The following ATCAY variants were observed in gnomAD, a reference collection of about 807,000 sequenced individuals.
The protein encoded by ATCAY is ATCAY kinesin light chain interacting caytaxin.
In ATCAY, 22 loss-of-function variants were observed where a neutral mutation model predicts 47.7. That is an observed-to-expected ratio of 0.46 (90% CI 0.33 to 0.66). The LOEUF is 0.66. Among genes scored for constraint, ATCAY ranks in the 30% least tolerant of loss-of-function variants. The pLI is 0.02. For synonymous variants in ATCAY, 216 were observed against 207.6 expected (o/e 1.04, Z -0.35); for missense variants, 452 against 515.0 (o/e 0.88, Z 1.18).
rs1244272426 is a variant in ATCAY, at chr19:3,920,760, C to T, written c.1074-6C>T. 1 of 1,611,944 alleles carries T rather than the reference C, an allele frequency of 6.2e-7. No individual in the cohort carries two copies. Among genetic ancestry groups the T allele is most frequent in the East Asian group, 2.2e-5 (1 of 44,848 alleles). On this transcript the variant is annotated splice_polypyrimidine_tract_variant and splice_region_variant and intron_variant, in intron 11 of 12. Transcript: ENST00000450849. ...ATAACGCCCAGTCTCCGTCTCTCCT[C>T]CACAGGTCTGCTCTGGTCTCAGAAG...
At chr19:3,887,663 T>C (rs1216431914) in intron 2 of ATCAY, among the ~76,000 whole-genome samples, 1 of 150,538 alleles carries the variant, frequency 6.6e-6, no homozygotes, top group Non-Finnish European at 1.5e-5. Flanking sequence ...ATTTTTTGTA[T>C]TTTTAGTAGA....
At chr19:3,905,308 A>G (rs934320237) in intron 3 of ATCAY, 126 bp from the exon 4 acceptor site, 1 of 933,518 alleles carries the variant, frequency 1.1e-6, no homozygotes, top group Non-Finnish European at 1.6e-6. Flanking sequence ...TGGCATGGAT[A>G]CAGAAGGGAG....
At chr19:3,913,236 C>A (rs2038937675) in intron 8 of ATCAY, among the ~76,000 whole-genome samples, 1 of 151,736 alleles carries the variant, frequency 6.6e-6, no homozygotes, top group African/African-American at 2.4e-5. Context: ...GGCAGTGAGC[C>A]GAGATCACAC....
intron 2 of ATCAY, among the ~76,000 whole-genome samples, chr19:3,900,945 A>G (rs1456754954): frequency 1.7e-5 from 2 of 120,116 alleles, no homozygotes; most frequent in Non-Finnish European, 3.2e-5. Context: ...TCTGTGGCCC[A>G]GGCTGGAGTG....
At chr19:3,924,436 G>C in intron 12 of ATCAY, 147 bp from the exon 13 acceptor site, 1 of 923,104 alleles carries the variant, frequency 1.1e-6, no homozygotes, top group Non-Finnish European at 1.7e-6. Context: ...GGCAGGAGCC[G>C]GGCCCTGAAG....
At chr19:3,905,327 C>G in intron 3 of ATCAY, 107 bp from the exon 4 acceptor site, 1 of 1,173,546 alleles carries the variant, frequency 8.5e-7, no homozygotes, top group African/African-American at 1.6e-5. Flanking sequence ...AGCCCACCCT[C>G]TCTTCCCATT....
chr19:3,901,065 C>T (rs949114223), intron 2 of ATCAY, among the ~76,000 whole-genome samples: 1 of 151,902 alleles, frequency 6.6e-6, no homozygotes, highest in Non-Finnish European at 1.5e-5. Flanking sequence ...CCACGCCCCG[C>T]TATTTTTTTT....
At chr19:3,924,550 G>T in intron 12 of ATCAY, 33 bp from the exon 13 acceptor site, 4 of 1,613,612 alleles carry the variant, frequency 2.5e-6, no homozygotes, top group Non-Finnish European at 3.4e-6. Context: ...AACATTAACA[G>T]CAATAACTTG....
At position 3,909,594 on chromosome 19, in the gene ATCAY, G is replaced by A. The variant is rs1465889036; in HGVS notation, c.756G>A (p.Lys252=). ...RRMPGIGWLK[K]CYQMIDRRLR... ...TGCCTGGAATCGGCTGGCTGAAGAA[G>A]TGCTACCAGATGATCGACCGGAGGT... is the stretch of plus-strand genomic sequence containing the variant. The change falls in exon 7 of 13, where the codon AAG becomes AAA. Residue 252 remains lysine (K), a synonymous_variant. Coordinates refer to ENST00000450849, the MANE Select transcript of ATCAY (RefSeq NM_033064.5). 1.2e-6 allele frequency: 2 copies of A among 1,607,850 alleles called. No homozygotes were observed. Among genetic ancestry groups the A allele is most frequent in the Non-Finnish European group, 1.7e-6 (2 of 1,177,356 alleles).
At chr19:3,890,582 G>T in intron 2 of ATCAY, among the ~76,000 whole-genome samples, 1 of 152,142 alleles carries the variant, frequency 6.6e-6, no homozygotes, top group Non-Finnish European at 1.5e-5. Context: ...AATTTTAAAA[G>T]CTCTCATCTC....
chr19:3,901,644 G>A (rs2038817113), intron 2 of ATCAY, among the ~76,000 whole-genome samples: 1 of 152,136 alleles, frequency 6.6e-6, no homozygotes, highest in Non-Finnish European at 1.5e-5. Flanking sequence ...ATATAAATTT[G>A]ATTATCTAAA....
Position 3,885,680 on chromosome 19 carries a change from T to C in ATCAY, c.-41-47T>C, listed in dbSNP as rs1426659285. 8.0e-6 allele frequency: 9 copies of C among 1,124,470 alleles called. No individual in the cohort carries two copies. In the African/African-American group the frequency reaches 1.4e-4, roughly 17 times the overall value. 69.7% of individuals were successfully genotyped at this position (1,124,470 alleles called of 1,614,324 possible). ...GCTGCATGGGGTAGACGATTGTCAT[T>C]AGGACTATTGTCCAGTAAAACCCAT... is the stretch of plus-strand genomic sequence containing the variant. On this transcript the variant is annotated intron_variant, in intron 1 of 12. Coordinates refer to ENST00000450849, the MANE Select transcript of ATCAY (RefSeq NM_033064.5).
intron 1 of ATCAY, among the ~76,000 whole-genome samples, chr19:3,885,109 T>TA (rs34258948): frequency 0.11 from 8,007 of 70,432 alleles, 472 homozygotes; most frequent in Non-Finnish European, 0.13. Flanking sequence ...TTTTTTTTTT[T>TA]AAAAAAAAAA....
At chr19:3,905,799 T>C in intron 4 of ATCAY, 144 bp downstream of exon 4, 1 of 676,108 alleles carries the variant, frequency 1.5e-6, no homozygotes, top group Non-Finnish European at 2.5e-6. Context: ...AGATCAAGAC[T>C]GCAGTGAGAC....
chr19:3,908,462 C>G (rs1568449579), intron 6 of ATCAY, 92 bp downstream of exon 6: 3 of 1,197,004 alleles, frequency 2.5e-6, no homozygotes, highest in African/African-American at 3.0e-5. Context: ...CATTGTGGCC[C>G]TAGGAAGCCT....
chr19:3,894,468 A>T (rs2038747042), intron 2 of ATCAY, among the ~76,000 whole-genome samples: 1 of 138,572 alleles, frequency 7.2e-6, no homozygotes, highest in East Asian at 2.2e-4. Context: ...TGGGTGACAG[A>T]GTGAGACTCC....
At chr19:3,910,112 C>G (rs746993933) in intron 7 of ATCAY, among the ~76,000 whole-genome samples, 4 of 152,004 alleles carry the variant, frequency 2.6e-5, no homozygotes, top group African/African-American at 9.7e-5. Flanking sequence ...CTCCCTATTC[C>G]TTCTCCCCAG....
At chr19:3,915,674 C>A (rs1201315690) in intron 9 of ATCAY, among the ~76,000 whole-genome samples, 3 of 151,354 alleles carry the variant, frequency 2.0e-5, no homozygotes, top group Non-Finnish European at 2.9e-5. Flanking sequence ...GCCTCAGCCT[C>A]CCCAGTAGCT....
rs138987448 is a variant in ATCAY at position 3,898,394 on chromosome 19, C to T, written c.78-4093C>T. On this transcript the variant is annotated intron_variant, in intron 2 of 12. Transcript: ENST00000450849. ...GAGACGGGCTTTCGCCATGTTGCCC[C>T]GACTGGTCTTGAACTCCTGGGCTCA... is the stretch of plus-strand genomic sequence containing the variant. Among the ~76,000 whole-genome samples, 237 of 152,186 alleles carry T rather than the reference C, an allele frequency of 1.6e-3. 1 individual carries two copies. Among genetic ancestry groups the T allele is most frequent in the African/African-American group, 5.6e-3 (233 of 41,536 alleles).
Sources: gnomAD v4.1 joint callset for allele counts (sites outside exome capture counted in the v4.1 genomes callset) on GRCh38, gnomAD v4.1.1 for gene constraint, MANE v1.5 for transcripts, NCBI Gene and HGNC (gene_info 2026-07-23, HGNC 2026-07-21) for gene names.